Variants in KIR3DL1 observed in about 807,000 individuals in gnomAD.
KIR3DL1 encodes killer cell immunoglobulin like receptor, three Ig domains and long cytoplasmic tail 1.
Under a neutral mutation model 40.3 loss-of-function variants are expected in KIR3DL1, and 50 were observed. The ratio of observed to expected loss-of-function variants is 1.24; its 90% CI spans 0.99 to 1.57. The LOEUF (loss-of-function observed/expected upper bound fraction) is 1.57, where lower values mean the gene tolerates loss of function less well. Ranked by LOEUF, KIR3DL1 falls within the 40% of genes most tolerant of loss-of-function variation. The probability of loss-of-function intolerance (pLI) is 0.00; values close to 1 mark genes in which losing one functional copy is unlikely to be tolerated. For synonymous variants in KIR3DL1, 257 were observed against 207.2 expected, an observed-to-expected ratio of 1.24 and a Z score of -2.07; for missense variants, 661 against 559.9, an observed-to-expected ratio of 1.18 and a Z score of -1.82.
intron 6 of KIR3DL1, among the ~76,000 whole-genome samples, chr19:54,828,240 T>C (rs1300119018): frequency 6.6e-6 from 1 of 151,192 alleles, no homozygotes; most frequent in Non-Finnish European, 1.5e-5. Context: ...TTCACTTTTG[T>C]TTCCTTTTCT....
intron 4 of KIR3DL1, among the ~76,000 whole-genome samples, chr19:54,821,096 A>C (rs1412826013): frequency 6.6e-6 from 1 of 150,398 alleles, no homozygotes; most frequent in Non-Finnish European, 1.5e-5. Flanking sequence ...AGAGAGAGAG[A>C]TAGATGATAC....
exon 4 of KIR3DL1, chr19:54,819,962 C>A (rs766061635): frequency 1.9e-6 from 3 of 1,611,750 alleles, no homozygotes; most frequent in Non-Finnish European, 2.5e-6. Flanking sequence ...GTTACTCACA[C>A]CCCCTATCAG....
At chr19:54,826,780 GA>G (rs2061916470) in intron 6 of KIR3DL1, among the ~76,000 whole-genome samples, 1 of 141,810 alleles carries the variant, frequency 7.1e-6, no homozygotes, top group Admixed American at 7.1e-5. Flanking sequence ...CGTGAAGGCA[GA>G]AAGCTGAAAA....
chr19:54,821,574 A>C, exon 5 of KIR3DL1: 1 of 1,606,212 alleles, frequency 6.2e-7, no homozygotes, highest in Non-Finnish European at 8.5e-7. Flanking sequence ...GGTCCATATG[A>C]GAAACCTTCT....
intron 1 of KIR3DL1, among the ~76,000 whole-genome samples, chr19:54,816,929 A>G (rs1192336431): frequency 1.7e-5 from 2 of 119,028 alleles, no homozygotes; most frequent in Non-Finnish European, 3.4e-5. Context: ...CAGTAGAGAT[A>G]TGGGCCTGAA....
At chr19:54,825,951 G>A (rs1301471137) in intron 6 of KIR3DL1, among the ~76,000 whole-genome samples, 1 of 151,098 alleles carries the variant, frequency 6.6e-6, no homozygotes, top group Non-Finnish European at 1.5e-5. Context: ...CTTATCTTTT[G>A]AAAACTTGGG....
chr19:54,830,096 C>T lies in KIR3DL1; in HGVS notation c.1159-3C>T. 2 of 1,523,898 alleles carry T rather than the reference C, an allele frequency of 1.3e-6. 1 individual carries two copies. The highest frequency in any genetic ancestry group is 1.8e-6 in the Non-Finnish European group (2 of 1,122,556). 94.4% of individuals were successfully genotyped at this position (1,523,898 alleles called of 1,614,324 possible). A position where few individuals can be genotyped will look rare whatever the true frequency, so the allele number is the denominator to read the frequency against. On this transcript the variant is annotated splice_region_variant and splice_polypyrimidine_tract_variant and intron_variant, in intron 8 of 8. Coordinates refer to ENST00000391728, the Ensembl canonical transcript of KIR3DL1. ...CCCTCACTCAGCATTTCCCTCTCTC[C>T]AGGACTCTGATGAACAAGACCCTGA... is the stretch of plus-strand genomic sequence containing the variant.
intron 5 of KIR3DL1, among the ~76,000 whole-genome samples, chr19:54,822,517 A>T (rs1304813195): frequency 1.3e-5 from 2 of 150,156 alleles, no homozygotes; most frequent in African/African-American, 2.5e-5. Context: ...AGTCCTAGCT[A>T]CTTGGGAGGC....
In KIR3DL1 at chr19:54,817,584, A is replaced by C; in HGVS notation, c.70+15A>C. On this transcript the variant is annotated intron_variant, in intron 2 of 8. Transcript: ENST00000391728. ...TCCACACATGGGTGAGTCCTTCCCCAAACCTTAGGGTGTCATCTCCCCACA... is the reference window on the plus strand; with the variant it reads ...TCCACACATGGGTGAGTCCTTCCCCCAACCTTAGGGTGTCATCTCCCCACA... 6.6e-7 allele frequency: 1 copy of C among 1,509,612 alleles called. No homozygotes were observed. 93.5% of individuals were successfully genotyped at this position (1,509,612 alleles called of 1,614,324 possible).
At chr19:54,818,876 G>A (rs891203890) in intron 3 of KIR3DL1, among the ~76,000 whole-genome samples, 13 of 150,796 alleles carry the variant, frequency 8.6e-5, no homozygotes, top group Admixed American at 4.6e-4. Context: ...CCTTGAGATG[G>A]GGAGACAGCC....
intron 5 of KIR3DL1, among the ~76,000 whole-genome samples, chr19:54,822,667 C>T (rs1382380772): frequency 2.0e-5 from 3 of 150,870 alleles, no homozygotes; most frequent in Non-Finnish European, 4.4e-5. Flanking sequence ...TTTTGTTACC[C>T]TCCACCCTTC....
At chr19:54,818,388 G>T in exon 3 of KIR3DL1, 2 of 1,607,250 alleles carry the variant, frequency 1.2e-6, no homozygotes, top group Non-Finnish European at 1.7e-6. Flanking sequence ...TGACTCTTCG[G>T]TGTCACTATC....
In KIR3DL1 at chr19:54,817,537, T is replaced by A; in HGVS notation, c.38T>A (p.Leu13Ter). Residue 13 changes from leucine (L) to a stop codon, truncating the protein, a stop_gained, in exon 2 of 9, where the codon TTG becomes TAG. Coordinates refer to ENST00000391728, the Ensembl canonical transcript of KIR3DL1. LOFTEE classifies it high-confidence loss of function. ...CCATCATGATCTTTCTTTCTAGGGT[T>A]GTTCTTGGTCCAGAGGGCCGGTCCA... 1 of 1,512,356 alleles carries A rather than the reference T, an allele frequency of 6.6e-7. No individual in the cohort carries two copies. Among genetic ancestry groups the A allele is most frequent in the Non-Finnish European group, 9.0e-7 (1 of 1,107,542 alleles). 93.7% of individuals were successfully genotyped at this position (1,512,356 alleles called of 1,614,324 possible). A position where few individuals can be genotyped will look rare whatever the true frequency, so the allele number is the denominator to read the frequency against.
intron 4 of KIR3DL1, among the ~76,000 whole-genome samples, chr19:54,821,224 A>AAATAGATCGATAGAT (rs1556570080): frequency 2.7e-5 from 4 of 148,574 alleles, no homozygotes; most frequent in Non-Finnish European, 4.5e-5. Flanking sequence ...CAAAATAGAT[A>AAATAGATCGATAGAT]AATAGATAGA....
intron 6 of KIR3DL1, among the ~76,000 whole-genome samples, chr19:54,825,664 C>T (rs1305939203): frequency 1.3e-4 from 20 of 150,390 alleles, no homozygotes; most frequent in African/African-American, 3.0e-4. Flanking sequence ...GAAAACAAAA[C>T]GGTTTTTTAA....
chr19:54,825,224 A>G (rs1601395123), intron 6 of KIR3DL1, 146 bp downstream of exon 6: 1 of 749,100 alleles, frequency 1.3e-6, no homozygotes, highest in South Asian at 1.6e-5. Flanking sequence ...CAACAGTGAA[A>G]GGGATCTAGG....
intron 3 of KIR3DL1, 89 bp from the exon 4 acceptor site, chr19:54,819,624 C>G: frequency 6.9e-7 from 1 of 1,443,398 alleles, no homozygotes; most frequent in Non-Finnish European, 9.5e-7. Flanking sequence ...GAGAGACAGA[C>G]ACGGGGAGGG....
chr19:54,827,380 C>G (rs1490872212), intron 6 of KIR3DL1, among the ~76,000 whole-genome samples: 1 of 150,644 alleles, frequency 6.6e-6, no homozygotes, highest in East Asian at 1.9e-4. Context: ...TCCAAGAAGT[C>G]AGGAGTTCGA....
In KIR3DL1 at chr19:54,828,515, C is replaced by A. The variant is rs952959139; in HGVS notation, c.1001-846C>A. 2.6e-5 allele frequency among the ~76,000 whole-genome samples: 4 copies of A among 151,044 alleles called. 1 individual carries two copies. The highest frequency in any genetic ancestry group is 9.8e-5 in the African/African-American group (4 of 40,612). On this transcript the variant is annotated intron_variant, in intron 6 of 8. Coordinates refer to ENST00000391728, the Ensembl canonical transcript of KIR3DL1. ...CCTACATTTCAATGTGAGCCAGTTC[C>A]CCAAGGCTCAGAAAAGCTGCTCGAG...
Sources: allele counts gnomAD v4.1 joint callset (sites outside exome capture counted in the v4.1 genomes callset), GRCh38; gene constraint gnomAD v4.1.1; transcripts MANE v1.5; gene names NCBI Gene and HGNC (gene_info 2026-07-23, HGNC 2026-07-21).